The following PCDHA8 variants were observed in gnomAD, a reference collection of about 807,000 sequenced individuals.
PCDHA8 encodes protocadherin alpha 8, also known as protocadherin alpha-8.
In PCDHA8, 53 loss-of-function variants were observed where a neutral mutation model predicts 61.8. The ratio of observed to expected loss-of-function variants is 0.86; its 90% CI spans 0.69 to 1.08. The LOEUF (loss-of-function observed/expected upper bound fraction) is 1.08, where lower values mean the gene tolerates loss of function less well. PCDHA8 is among the 50% of genes least tolerant of loss of function. The pLI is 0.00. For missense variants in PCDHA8, 1,293 were observed against 1,245.0 expected (o/e 1.04, Z -0.58); for synonymous variants, 618 against 556.6 (o/e 1.11, Z -1.55).
intron 1 of PCDHA8, among the ~76,000 whole-genome samples, chr5:140,855,055 T>C (rs562005171): frequency 2.0e-5 from 3 of 150,120 alleles, no homozygotes; most frequent in African/African-American, 7.3e-5. Flanking sequence ...AGTACTTTTC[T>C]GTTTTCTTAA....
At chr5:140,948,849 C>A (rs2094312653) in intron 1 of PCDHA8, among the ~76,000 whole-genome samples, 1 of 151,046 alleles carries the variant, frequency 6.6e-6, no homozygotes, top group Admixed American at 6.6e-5. Flanking sequence ...GTATTATTTG[C>A]CTTCTTATAT....
At chr5:140,928,160 C>G (rs782224079) in intron 1 of PCDHA8, 1 of 1,614,096 alleles carries the variant, frequency 6.2e-7, no homozygotes, top group Non-Finnish European at 8.5e-7. Flanking sequence ...AGTGGCTCAC[C>G]CCCACTTAGC....
chr5:140,876,716 G>C lies in PCDHA8; in HGVS notation c.2394+33001G>C, dbSNP rs374218090. On this transcript the variant is annotated intron_variant, in intron 1 of 3. Coordinates refer to ENST00000531613, the MANE Select transcript of PCDHA8 (RefSeq NM_018911.3). ...TTGGTGCTGGACAGCGCCCTGGACC[G>C]CGAGAGCGTGTCGGCCTATGAGCTG... 135 of 1,614,132 alleles carry C rather than the reference G, an allele frequency of 8.4e-5. No homozygotes were observed. In the Middle Eastern group the frequency reaches 2.5e-3, roughly 29 times the overall value.
chr5:140,855,323 G>C lies in PCDHA8; in HGVS notation c.2394+11608G>C, dbSNP rs186152172. The stretch of plus-strand genomic sequence containing the variant: ...TTATAAAATTGGAACATGAGGGAGG[G>C]AGAGGTTAAACGATTTTCCCAAGTC... On this transcript the variant is annotated intron_variant, in intron 1 of 3. Transcript: ENST00000531613. 5.3e-5 allele frequency among the ~76,000 whole-genome samples: 8 copies of C among 149,960 alleles called. 1 individual carries two copies. The highest frequency in any genetic ancestry group is 7.5e-5 in the Non-Finnish European group (5 of 67,078).
intron 1 of PCDHA8, chr5:140,861,587 G>A (rs781869263): frequency 4.3e-5 from 16 of 374,992 alleles, no homozygotes; most frequent in Middle Eastern, 1.0e-3. Context: ...TCCATGTGGA[G>A]GTGAAAGTGA....
chr5:140,966,515 G>A, intron 1 of PCDHA8: 1 of 436,996 alleles, frequency 2.3e-6, no homozygotes, highest in East Asian at 3.5e-5. Context: ...AGCAGCAGCA[G>A]GAAGCCGAGC....
At chr5:140,873,395 C>T (rs1376459228) in intron 1 of PCDHA8, among the ~76,000 whole-genome samples, 1 of 152,094 alleles carries the variant, frequency 6.6e-6, no homozygotes, top group African/African-American at 2.4e-5. Context: ...GGAATGTTTT[C>T]AGTACAGGTT....
At chr5:140,984,859 A>G (rs1368341114) in intron 3 of PCDHA8, among the ~76,000 whole-genome samples, 1 of 152,046 alleles carries the variant, frequency 6.6e-6, no homozygotes, top group Non-Finnish European at 1.5e-5. Flanking sequence ...TAATAATAAC[A>G]CCTATTTTAT....
At chr5:140,862,533 G>C in intron 1 of PCDHA8, 1 of 435,668 alleles carries the variant, frequency 2.3e-6, no homozygotes, top group Non-Finnish European at 4.6e-6. Context: ...ACAGCCATCG[G>C]GTCCGTGGAA....
At position 140,856,860 on chromosome 5, in the gene PCDHA8, G is replaced by A; in HGVS notation, c.2394+13145G>A. 1.3e-6 allele frequency: 2 copies of A among 1,594,690 alleles called. 1 individual carries two copies. On this transcript the variant is annotated intron_variant, in intron 1 of 3. Transcript: ENST00000531613. ...CTCAACGCTTCTGATTCGGATGAAGGAATAAACAAGGAAATGATGTATTCA... is the reference window on the plus strand; with the variant it reads ...CTCAACGCTTCTGATTCGGATGAAGAAATAAACAAGGAAATGATGTATTCA...
chr5:141,009,116 T>C (rs1382527068), intron 3 of PCDHA8, among the ~76,000 whole-genome samples: 1 of 152,236 alleles, frequency 6.6e-6, no homozygotes, highest in African/African-American at 2.4e-5. Flanking sequence ...TGAAACTAGA[T>C]TCTTGGTATC....
chr5:140,848,526 G>T lies in PCDHA8; in HGVS notation c.2394+4811G>T. 1.9e-6 allele frequency: 3 copies of T among 1,594,384 alleles called. No individual in the cohort carries two copies. Among genetic ancestry groups the T allele is most frequent in the Non-Finnish European group, 2.6e-6 (3 of 1,164,792 alleles). ...ATACTCAAGTCGAGGAGATCCAGAGGGTCAGCCTCTACTGCTCTCGCTTCT... is the reference window on the plus strand; with the variant it reads ...ATACTCAAGTCGAGGAGATCCAGAGTGTCAGCCTCTACTGCTCTCGCTTCT... On this transcript the variant is annotated intron_variant, in intron 1 of 3. Coordinates refer to ENST00000531613, the MANE Select transcript of PCDHA8 (RefSeq NM_018911.3).
intron 1 of PCDHA8, chr5:140,968,986 A>C (rs143656335): frequency 6.8e-6 from 11 of 1,614,206 alleles, no homozygotes; most frequent in East Asian, 6.7e-5. Context: ...ATGGCACTGC[A>C]TGCTGTGGAG....
At position 140,842,722 on chromosome 5, in the gene PCDHA8, C is replaced by T. The variant is rs1554139310; in HGVS notation, c.1401C>T (p.Asn467=). Residue 467 remains asparagine, a synonymous_variant, in exon 1 of 4, where the codon AAC becomes AAT. Transcript: ENST00000531613. The part of the protein sequence containing the change: ...QPEYTVFVKE[N]NPPGCHIFTV... ...AGTACACGGTGTTCGTGAAGGAGAA[C>T]AACCCGCCGGGCTGCCACATCTTCA... 1.3e-6 allele frequency: 2 copies of T among 1,595,034 alleles called. No homozygotes were observed. The highest frequency in any genetic ancestry group is 1.7e-6 in the Non-Finnish European group (2 of 1,165,496).
chr5:140,939,283 GATCTAATC>G lies in PCDHA8; in HGVS notation c.2395-39661_2395-39654del, dbSNP rs1257109202. ...TCTTTTATGAGAGCTGTGCCCTCGT[GATCTAATC>G]ATCTCTACAAAAGCCCTACCTCCTA... On this transcript the variant is annotated intron_variant, in intron 1 of 3. Coordinates refer to ENST00000531613, the MANE Select transcript of PCDHA8 (RefSeq NM_018911.3). Among the ~76,000 whole-genome samples the G allele has an allele frequency of 2.0e-5, 3 of 152,184 alleles. No homozygotes were observed. In the East Asian group the frequency reaches 5.8e-4, roughly 29 times the overall value.
intron 1 of PCDHA8, among the ~76,000 whole-genome samples, chr5:140,954,220 T>C (rs782685715): frequency 2.0e-5 from 3 of 152,240 alleles, no homozygotes; most frequent in African/African-American, 4.8e-5. Context: ...GTTTTTGCTA[T>C]TGTGAATAGT....
At chr5:140,993,877 C>T (rs1457877493) in intron 3 of PCDHA8, among the ~76,000 whole-genome samples, 4 of 152,150 alleles carry the variant, frequency 2.6e-5, no homozygotes, top group South Asian at 2.1e-4. Context: ...TGTGTAAGTA[C>T]GCTCTATGAT....
At chr5:140,853,674 G>A (rs1554146796) in intron 1 of PCDHA8, 1 of 988,402 alleles carries the variant, frequency 1.0e-6, no homozygotes, top group East Asian at 1.1e-4. Flanking sequence ...GGGGCCTATG[G>A]TCAACCTATC....
chr5:140,976,267 T>C (rs115616483), intron 1 of PCDHA8, among the ~76,000 whole-genome samples: 1,952 of 152,234 alleles, frequency 0.013, 51 homozygotes, highest in African/African-American at 0.045. Flanking sequence ...ACACAGACTT[T>C]TGGCAAGGCA....
Sources: gnomAD v4.1 joint callset for allele counts (sites outside exome capture counted in the v4.1 genomes callset) on GRCh38, gnomAD v4.1.1 for gene constraint, MANE v1.5 for transcripts, NCBI Gene and HGNC (gene_info 2026-07-23, HGNC 2026-07-21) for gene names.